The following PTPRD variants were observed in gnomAD, a reference collection of about 807,000 sequenced individuals.
The protein encoded by PTPRD is protein tyrosine phosphatase receptor type D, also known as receptor-type tyrosine-protein phosphatase delta.
A neutral mutation model predicts 214.5 loss-of-function variants in PTPRD; 34 were observed. The ratio of observed to expected loss-of-function variants is 0.16; its 90% CI spans 0.12 to 0.21. PTPRD has a LOEUF of 0.21. Among genes scored for constraint, PTPRD ranks in the 10% least tolerant of loss-of-function variants. PTPRD has a pLI of 1.00. For missense variants in PTPRD, 2,545 were observed against 2,398.7 expected (o/e 1.06, Z -1.27); for synonymous variants, 1,128 against 845.7 (o/e 1.33, Z -5.79).
chr9:9,319,742 TC>T (rs1965459071), intron 9 of PTPRD, among the ~76,000 whole-genome samples: 1 of 152,130 alleles, frequency 6.6e-6, no homozygotes, highest in African/African-American at 2.4e-5. Flanking sequence ...ATCAAAAGTT[TC>T]TTTAAAATTT....
At chr9:8,378,090 C>T (rs1475093805) in intron 37 of PTPRD, among the ~76,000 whole-genome samples, 1 of 152,070 alleles carries the variant, frequency 6.6e-6, no homozygotes, top group Non-Finnish European at 1.5e-5. Flanking sequence ...TGAGACCACA[C>T]AAACATCATC....
chr9:10,491,778 T>C (rs998994134), intron 2 of PTPRD, among the ~76,000 whole-genome samples: 3 of 152,048 alleles, frequency 2.0e-5, no homozygotes, highest in African/African-American at 7.2e-5. Flanking sequence ...GTTTGTTACA[T>C]AGGTATACAT....
chr9:10,102,991 G>A (rs79322421), intron 3 of PTPRD, among the ~76,000 whole-genome samples: 2,022 of 151,392 alleles, frequency 0.013, 24 homozygotes, highest in Non-Finnish European at 0.021. Flanking sequence ...ACTTTATGCC[G>A]ACTTCAGGAA....
At chr9:9,998,312 G>A (rs1588516586) in intron 4 of PTPRD, among the ~76,000 whole-genome samples, 1 of 150,772 alleles carries the variant, frequency 6.6e-6, no homozygotes, top group East Asian at 2.0e-4. Context: ...GGCTCAAACC[G>A]TGGGTCCAGC....
chr9:9,402,201 GA>G (rs1300640621), intron 8 of PTPRD, among the ~76,000 whole-genome samples: 2 of 151,968 alleles, frequency 1.3e-5, no homozygotes, highest in South Asian at 2.1e-4. Context: ...ATGCATCCTT[GA>G]AAAAAATATA....
At chr9:9,970,429 CAA>C (rs35445219) in intron 4 of PTPRD, among the ~76,000 whole-genome samples, 78 of 92,152 alleles carry the variant, frequency 8.5e-4, no homozygotes, top group African/African-American at 2.4e-3. Context: ...GACTCCTTCT[CAA>C]AAAAAAAAAA....
intron 8 of PTPRD, among the ~76,000 whole-genome samples, chr9:9,499,583 A>T (rs1473253309): frequency 6.6e-6 from 1 of 152,130 alleles, no homozygotes; most frequent in Non-Finnish European, 1.5e-5. Context: ...CTAATTTGAC[A>T]TAGTATTCCT....
At chr9:8,610,382 G>C (rs2095404800) in intron 14 of PTPRD, among the ~76,000 whole-genome samples, 3 of 152,132 alleles carry the variant, frequency 2.0e-5, no homozygotes, top group Admixed American at 2.0e-4. Context: ...GGAAAGCCTA[G>C]GGTTTTTGTT....
intron 11 of PTPRD, among the ~76,000 whole-genome samples, chr9:8,913,404 A>C (rs547472620): frequency 1.3e-5 from 2 of 152,110 alleles, no homozygotes; most frequent in Non-Finnish European, 2.9e-5. Flanking sequence ...AAAGGTAAAA[A>C]CCTACATAAA....
intron 3 of PTPRD, among the ~76,000 whole-genome samples, chr9:10,101,095 A>G (rs985973237): frequency 6.6e-6 from 1 of 151,652 alleles, no homozygotes; most frequent in Non-Finnish European, 1.5e-5. Context: ...TGCAAGTTTT[A>G]CATTCAGATG....
chr9:9,427,468 A>G (rs2081388486), intron 8 of PTPRD, among the ~76,000 whole-genome samples: 1 of 152,206 alleles, frequency 6.6e-6, no homozygotes, highest in South Asian at 2.1e-4. Flanking sequence ...GGGAGAATGG[A>G]ACCAAGTTGG....
chr9:9,619,642 T>C lies in PTPRD; in HGVS notation c.-286-44861A>G, dbSNP rs191778862. 8.2e-5 allele frequency among the ~76,000 whole-genome samples: 12 copies of C among 145,670 alleles called. No individual in the cohort carries two copies. In the East Asian group the frequency reaches 2.4e-3, roughly 29 times the overall value. The stretch of plus-strand genomic sequence containing the variant: ...ATATAATAATCTATATGTTAATATT[T>C]ATATTGTATAGAAATATTTTAATAT... On this transcript the variant is annotated intron_variant, in intron 7 of 45. Transcript: ENST00000381196.
chr9:10,567,346 T>C (rs529686046), intron 2 of PTPRD, among the ~76,000 whole-genome samples: 1 of 152,176 alleles, frequency 6.6e-6, no homozygotes, highest in African/African-American at 2.4e-5. Context: ...ATTTCAATTT[T>C]TGAGACTATT....
At position 8,611,926 on chromosome 9, in the gene PTPRD, TGAAAA is replaced by T. The variant is rs149119715; in HGVS notation, c.352+21386_352+21390del. Among the ~76,000 whole-genome samples, 96 of 96,254 alleles carry T rather than the reference TGAAAA, an allele frequency of 1.0e-3. No homozygotes were observed. The Middle Eastern group carries it at 0.027, about 27-fold the overall frequency. 63.1% of individuals were successfully genotyped at this position (96,254 alleles called of 152,430 possible). ...TTTGTACCTAAATATCAAGACCTTGTGAAAAGAAAAGAAAAGAAAAGAGAAAACAA... is the reference window on the plus strand; with the variant it reads ...TTTGTACCTAAATATCAAGACCTTGTGAAAAGAAAAGAAAAGAGAAAACAA... On this transcript the variant is annotated intron_variant, in intron 14 of 45. Transcript: ENST00000381196.
chr9:10,216,444 T>C (rs575541978), intron 3 of PTPRD, among the ~76,000 whole-genome samples: 2 of 152,124 alleles, frequency 1.3e-5, no homozygotes, highest in African/African-American at 4.8e-5. Context: ...CCATTAAAAC[T>C]AAAATGAATT....
At chr9:8,692,527 T>C (rs1179424762) in intron 12 of PTPRD, among the ~76,000 whole-genome samples, 1 of 152,190 alleles carries the variant, frequency 6.6e-6, no homozygotes, top group Non-Finnish European at 1.5e-5. Context: ...AATGATGTGC[T>C]CTTGAAAATA....
At chr9:9,505,227 A>G (rs912228560) in intron 8 of PTPRD, among the ~76,000 whole-genome samples, 1 of 151,614 alleles carries the variant, frequency 6.6e-6, no homozygotes, top group African/African-American at 2.4e-5. Flanking sequence ...GGTTTCATTT[A>G]GGACTAGAGC....
intron 9 of PTPRD, among the ~76,000 whole-genome samples, chr9:9,225,078 C>CT (rs1256477066): frequency 6.6e-6 from 1 of 151,864 alleles, no homozygotes; most frequent in Non-Finnish European, 1.5e-5. Context: ...CCTGTTTTGT[C>CT]TTTTTTCTAC....
intron 3 of PTPRD, among the ~76,000 whole-genome samples, chr9:10,127,552 C>G (rs933813295): frequency 6.6e-6 from 1 of 152,112 alleles, no homozygotes; most frequent in East Asian, 1.9e-4. Flanking sequence ...TGAACTTGGA[C>G]AAGTAGGACA....
Sources: gnomAD v4.1 joint callset for allele counts (sites outside exome capture counted in the v4.1 genomes callset) on GRCh38, gnomAD v4.1.1 for gene constraint, MANE v1.5 for transcripts, NCBI Gene and HGNC (gene_info 2026-07-23, HGNC 2026-07-21) for gene names.